The following ZNF469 variants were observed in gnomAD, a reference collection of about 807,000 sequenced individuals.
ZNF469 encodes the protein zinc finger protein 469.
Under a neutral mutation model 1.0 loss-of-function variants are expected in ZNF469, and 1 was observed. That is an observed-to-expected ratio of 1.00 (90% CI 0.35 to 4.73). The LOEUF (loss-of-function observed/expected upper bound fraction) is 4.73. Among genes scored for constraint, ZNF469 ranks in the 30% most tolerant of loss-of-function variants. The pLI is 0.16. For missense variants in ZNF469, 6,100 were observed against 5,356.3 expected (o/e 1.14, Z -4.33); for synonymous variants, 2,703 against 2,363.4 (o/e 1.14, Z -4.17).
chr16:88,379,921 C>T (rs1459975335), upstream of ZNF469, among the ~76,000 whole-genome samples: 1 of 152,168 alleles, frequency 6.6e-6, no homozygotes, highest in Non-Finnish European at 1.5e-5. Flanking sequence ...ACAGGGTCAT[C>T]CCCTGTTGTC....
At chr16:88,386,440 C>T (rs920391840) in intron 1 of ZNF469, among the ~76,000 whole-genome samples, 1 of 152,160 alleles carries the variant, frequency 6.6e-6, no homozygotes, top group Non-Finnish European at 1.5e-5. Flanking sequence ...CCCCCACCCT[C>T]GTGGGAACAC....
At chr16:88,386,853 C>G (rs1319789555) in intron 1 of ZNF469, among the ~76,000 whole-genome samples, 2 of 151,570 alleles carry the variant, frequency 1.3e-5, no homozygotes, top group South Asian at 2.1e-4. Context: ...TGTGAAGTAG[C>G]CTTGAGGTGG....
At chr16:88,334,911 G>A in the ZNF469 span, among the ~76,000 whole-genome samples, 1 of 151,938 alleles carries the variant, frequency 6.6e-6, no homozygotes, top group African/African-American at 2.4e-5. Context: ...GTGTGACAGA[G>A]ATGGATGTGG....
chr16:88,297,573 T>A, the ZNF469 span, among the ~76,000 whole-genome samples: 2 of 152,150 alleles, frequency 1.3e-5, no homozygotes, highest in African/African-American at 4.8e-5. Flanking sequence ...CCTGCATGCC[T>A]GACCTCCTGC....
chr16:88,273,868 G>C, the ZNF469 span, among the ~76,000 whole-genome samples: 3 of 150,602 alleles, frequency 2.0e-5, no homozygotes, highest in African/African-American at 4.9e-5. Flanking sequence ...GCAGTGGCGC[G>C]ATCTCGGCTC....
In ZNF469 at chr16:88,430,478, G is replaced by T. The variant is rs2142303014; in HGVS notation, c.3008G>T (p.Gly1003Val). ...RPRRPRTQAPGSRADPAPRVP... is the reference protein window; with the variant it reads ...RPRRPRTQAPVSRADPAPRVP... ...CGGCGCCCTAGAACGCAGGCCCCCG[G>T]GAGCCGCGCAGACCCCGCGCCCCGG... is the stretch of plus-strand genomic sequence containing the variant. Residue 1003 changes from glycine (G) to valine (V), a missense_variant, in exon 3 of 3, where the codon GGG becomes GTG. Coordinates refer to ENST00000565624, the MANE Select transcript of ZNF469 (RefSeq NM_001367624.2). 6.9e-7 allele frequency: 1 copy of T among 1,439,764 alleles called. No individual in the cohort carries two copies. Among genetic ancestry groups the T allele is most frequent in the East Asian group, 2.8e-5 (1 of 36,006 alleles). The allele number at this position is 1,439,764 out of a possible 1,614,324, so 89.2% of individuals were successfully genotyped here.
the ZNF469 span, among the ~76,000 whole-genome samples, chr16:88,158,675 A>C: frequency 6.6e-6 from 1 of 152,188 alleles, no homozygotes; most frequent in African/African-American, 2.4e-5. Context: ...GAATGTGGCC[A>C]CCGCTGCCCC....
chr16:88,183,581 C>G, the ZNF469 span, among the ~76,000 whole-genome samples: 1 of 152,208 alleles, frequency 6.6e-6, no homozygotes, highest in African/African-American at 2.4e-5. Context: ...GGACGCAAAG[C>G]TGTAGGACCG....
chr16:88,315,652 C>T, the ZNF469 span, among the ~76,000 whole-genome samples: 1 of 152,182 alleles, frequency 6.6e-6, no homozygotes, highest in African/African-American at 2.4e-5. Context: ...TGGGGAAGTG[C>T]ACATCCGTGC....
chr16:88,197,005 G>A, the ZNF469 span, among the ~76,000 whole-genome samples: 610 of 152,336 alleles, frequency 4.0e-3, 1 homozygote, highest in Non-Finnish European at 5.6e-3. Context: ...GCTCCCCAGA[G>A]CATGACTGTC....
At chr16:88,154,621 G>C in the ZNF469 span, among the ~76,000 whole-genome samples, 1 of 152,250 alleles carries the variant, frequency 6.6e-6, no homozygotes, top group African/African-American at 2.4e-5. Flanking sequence ...AGGAGCTGAG[G>C]CTCAGAGAGA....
At chr16:88,167,042 G>A in the ZNF469 span, among the ~76,000 whole-genome samples, 1 of 146,242 alleles carries the variant, frequency 6.8e-6, no homozygotes, top group Non-Finnish European at 1.5e-5. Context: ...CTGGAAAACT[G>A]CAGGCTTATT....
At chr16:88,396,707 G>A (rs552491287) in intron 1 of ZNF469, among the ~76,000 whole-genome samples, 1 of 148,778 alleles carries the variant, frequency 6.7e-6, no homozygotes, top group South Asian at 2.1e-4. Flanking sequence ...AGGCCAGATG[G>A]AAACCCTCCT....
At chr16:88,367,538 C>A in the ZNF469 span, among the ~76,000 whole-genome samples, 2 of 152,106 alleles carry the variant, frequency 1.3e-5, no homozygotes, top group African/African-American at 4.8e-5. Flanking sequence ...GCTTTGAGGG[C>A]TTTGGAAGGA....
the ZNF469 span, among the ~76,000 whole-genome samples, chr16:88,127,080 C>T: frequency 6.6e-6 from 1 of 152,208 alleles, no homozygotes; most frequent in Non-Finnish European, 1.5e-5. Context: ...GCCTCGGCCT[C>T]CCACAGTGCT....
At chr16:88,340,991 G>C in the ZNF469 span, among the ~76,000 whole-genome samples, 1 of 152,152 alleles carries the variant, frequency 6.6e-6, no homozygotes, top group Non-Finnish European at 1.5e-5. Context: ...AGCGGTCCAG[G>C]CTGGCGTCTG....
At chr16:88,414,512 C>G (rs962309207) in intron 1 of ZNF469, among the ~76,000 whole-genome samples, 18 of 152,364 alleles carry the variant, frequency 1.2e-4, no homozygotes, top group Admixed American at 1.2e-3. Context: ...GGGAGAGAGC[C>G]GTGAGGGCAG....
At chr16:88,363,626 A>T in the ZNF469 span, among the ~76,000 whole-genome samples, 9 of 152,202 alleles carry the variant, frequency 5.9e-5, no homozygotes, top group African/African-American at 2.2e-4. Context: ...TAGCTGCCCT[A>T]AACTCTGTCT....
the ZNF469 span, among the ~76,000 whole-genome samples, chr16:88,289,676 A>C: frequency 1.3e-5 from 2 of 152,184 alleles, no homozygotes; most frequent in Admixed American, 1.3e-4. Context: ...ATCGTTCCCA[A>C]GGTAGTCTGA....
Sources: gnomAD v4.1 joint callset for allele counts (sites outside exome capture counted in the v4.1 genomes callset) on GRCh38, gnomAD v4.1.1 for gene constraint, MANE v1.5 for transcripts, NCBI Gene and HGNC (gene_info 2026-07-23, HGNC 2026-07-21) for gene names.